Variants in ESR1 observed in about 807,000 individuals in gnomAD.
ESR1 encodes the protein estrogen receptor.
In ESR1, 12 loss-of-function variants were observed where a neutral mutation model predicts 52.7. The observed-to-expected ratio is 0.23, with a 90% CI of 0.15 to 0.37. ESR1 has a LOEUF of 0.37. ESR1 is among the 10% of genes least tolerant of loss of function. ESR1 has a pLI of 1.00. For missense variants in ESR1, 584 were observed against 779.7 expected (o/e 0.75, Z 2.99); for synonymous variants, 305 against 316.8 (o/e 0.96, Z 0.39).
intron 2 of ESR1, among the ~76,000 whole-genome samples, chr6:151,707,475 A>G (rs948498748): frequency 1.3e-5 from 2 of 152,040 alleles, no homozygotes; most frequent in African/African-American, 4.8e-5. Flanking sequence ...ATGTATATAT[A>G]CACATTATAT....
Position 152,101,658 on chromosome 6 carries a change from A to G in ESR1, c.*2692A>G. On this transcript the variant is annotated 3_prime_UTR_variant, in exon 8 of 8. Transcript: ENST00000206249. ...GTGTAGGAACATGATTTAAAAAAAAACTCTTGCCTCTGCTTTCCCCCACTC... is the reference window on the plus strand; with the variant it reads ...GTGTAGGAACATGATTTAAAAAAAAGCTCTTGCCTCTGCTTTCCCCCACTC... 1 of 231,014 alleles carries G rather than the reference A, an allele frequency of 4.3e-6. No individual in the cohort carries two copies. Among genetic ancestry groups the G allele is most frequent in the East Asian group, 6.1e-5 (1 of 16,266 alleles). The allele number at this position is 231,014 out of a possible 1,614,324, so 14.3% of individuals were successfully genotyped here. A position where few individuals can be genotyped will look rare whatever the true frequency, so the allele number is the denominator to read the frequency against.
At chr6:152,034,754 G>A (rs2045126326) in intron 5 of ESR1, among the ~76,000 whole-genome samples, 1 of 152,174 alleles carries the variant, frequency 6.6e-6, no homozygotes, top group Non-Finnish European at 1.5e-5. Context: ...AATTGTCAGT[G>A]CAGACCCACA....
Position 151,807,722 on chromosome 6 carries a change from C to A in ESR1, c.-191C>A, listed in dbSNP as rs1436621796. The A allele has an allele frequency of 3.0e-6, 2 of 656,894 alleles. No homozygotes were observed. Among genetic ancestry groups the A allele is most frequent in the Non-Finnish European group, 5.4e-6 (2 of 367,032 alleles). 40.7% of individuals were successfully genotyped at this position (656,894 alleles called of 1,614,324 possible). On this transcript the variant is annotated 5_prime_UTR_variant, in exon 1 of 8. Transcript: ENST00000206249. ...TTCGTCCTGGGACTGCACTTGCTCC[C>A]GTCGGGTCGCCCGGCTTCACCGGAC... is the stretch of plus-strand genomic sequence containing the variant.
chr6:151,914,748 T>A (rs1584191967), intron 3 of ESR1, among the ~76,000 whole-genome samples: 2 of 152,334 alleles, frequency 1.3e-5, no homozygotes, highest in South Asian at 4.1e-4. Context: ...TCTCAGATGT[T>A]TCAGTGTTGT....
chr6:151,713,821 T>C lies in ESR1; in HGVS notation c.-71+11816T>C, dbSNP rs867507729. 3.3e-5 allele frequency among the ~76,000 whole-genome samples: 5 copies of C among 152,202 alleles called. No homozygotes were observed. In the South Asian group the frequency reaches 6.2e-4, roughly 19 times the overall value. Reference sequence around the variant, plus strand: ...TTCATTGATTTTTTTTTGAAGTTTATTTTGTGTCTCTGTCTCCTTCAGTTC... The same window carrying C: ...TTCATTGATTTTTTTTTGAAGTTTACTTTGTGTCTCTGTCTCCTTCAGTTC... On this transcript the variant is annotated intron_variant, in intron 2 of 2. Transcript: ENST00000404742.
chr6:151,946,129 T>C (rs2035673436), intron 4 of ESR1, among the ~76,000 whole-genome samples: 1 of 152,242 alleles, frequency 6.6e-6, no homozygotes, highest in African/African-American at 2.4e-5. Flanking sequence ...TTTTTCTTTA[T>C]ATTTGTTATT....
intron 2 of ESR1, among the ~76,000 whole-genome samples, chr6:151,869,954 G>A (rs1790663202): frequency 6.6e-6 from 1 of 152,176 alleles, no homozygotes; most frequent in Admixed American, 6.6e-5. Context: ...GTGTACAGAT[G>A]TGGTTGTGAA....
chr6:151,750,276 T>G (rs780540489), intron 2 of ESR1, among the ~76,000 whole-genome samples: 16 of 152,216 alleles, frequency 1.1e-4, no homozygotes, highest in Non-Finnish European at 1.9e-4. Flanking sequence ...GCAAACGTTT[T>G]CCAGAAAGCA....
At chr6:151,862,162 G>A (rs1025099619) in intron 2 of ESR1, among the ~76,000 whole-genome samples, 1 of 152,162 alleles carries the variant, frequency 6.6e-6, no homozygotes, top group Non-Finnish European at 1.5e-5. Flanking sequence ...GAAGCAGTCA[G>A]CATTGTAATT....
intron 3 of ESR1, among the ~76,000 whole-genome samples, chr6:151,915,445 T>C (rs1436657413): frequency 6.6e-6 from 1 of 152,216 alleles, no homozygotes; most frequent in Non-Finnish European, 1.5e-5. Flanking sequence ...AATCTTTTCA[T>C]TCTGATTCTT....
chr6:151,739,883 C>A (rs1020450405), intron 2 of ESR1, among the ~76,000 whole-genome samples: 2 of 152,148 alleles, frequency 1.3e-5, no homozygotes, highest in Non-Finnish European at 2.9e-5. Flanking sequence ...TATTTGTCAT[C>A]TCTTCCCTTT....
At chr6:151,662,266 G>A (rs574896194) in intron 1 of ESR1, among the ~76,000 whole-genome samples, 9 of 152,260 alleles carry the variant, frequency 5.9e-5, no homozygotes, top group East Asian at 1.9e-4. Flanking sequence ...CACAGAAGTC[G>A]AAGTTTCATC....
chr6:151,926,473 A>G (rs1232355569), intron 3 of ESR1, among the ~76,000 whole-genome samples: 1 of 152,172 alleles, frequency 6.6e-6, no homozygotes, highest in Non-Finnish European at 1.5e-5. Context: ...TGAACATGTA[A>G]TAATATTGAA....
chr6:151,787,324 G>C (rs546826875), intron 2 of ESR1, among the ~76,000 whole-genome samples: 1 of 152,104 alleles, frequency 6.6e-6, no homozygotes, highest in South Asian at 2.1e-4. Flanking sequence ...TGGCTATTTG[G>C]GATCTTTTTT....
At chr6:151,896,289 T>C (rs1795496801) in intron 3 of ESR1, among the ~76,000 whole-genome samples, 1 of 152,218 alleles carries the variant, frequency 6.6e-6, no homozygotes, top group South Asian at 2.1e-4. Flanking sequence ...TCTGGTAGAA[T>C]TCAGCTGTGA....
upstream of ESR1, among the ~76,000 whole-genome samples, chr6:151,800,168 T>C (rs2128141144): frequency 6.6e-6 from 1 of 152,240 alleles, no homozygotes; most frequent in Non-Finnish European, 1.5e-5. Context: ...ATTTTCAATG[T>C]ATATATGAAA....
intron 5 of ESR1, among the ~76,000 whole-genome samples, chr6:152,026,216 CTATT>C (rs2044135459): frequency 1.3e-5 from 2 of 151,952 alleles, no homozygotes; most frequent in African/African-American, 2.4e-5. Context: ...ATGCCCATGT[CTATT>C]TATCTTCTTA....
chr6:151,753,550 T>C (rs1484557323), intron 2 of ESR1, among the ~76,000 whole-genome samples: 10 of 152,206 alleles, frequency 6.6e-5, no homozygotes, highest in Admixed American at 6.5e-5. Flanking sequence ...ACTCCTGGCC[T>C]CAAGTGATCC....
chr6:152,060,862 C>G, intron 5 of ESR1, 129 bp from the exon 6 acceptor site: 1 of 722,696 alleles, frequency 1.4e-6, no homozygotes, highest in Non-Finnish European at 2.3e-6. Context: ...AAGACAATGG[C>G]TGATAGTTTT....
Sources: gnomAD v4.1 joint callset for allele counts (sites outside exome capture counted in the v4.1 genomes callset) on GRCh38, gnomAD v4.1.1 for gene constraint, MANE v1.5 for transcripts, NCBI Gene and HGNC (gene_info 2026-07-23, HGNC 2026-07-21) for gene names.